The following TAPT1 variants were observed in gnomAD, a reference collection of about 807,000 sequenced individuals.
The protein encoded by TAPT1 is transmembrane anterior posterior transformation protein 1 homolog.
A neutral mutation model predicts 65.6 loss-of-function variants in TAPT1; 28 were observed. That is an observed-to-expected ratio of 0.43 (90% CI 0.32 to 0.59). The LOEUF (loss-of-function observed/expected upper bound fraction) is 0.59, where lower values mean the gene tolerates loss of function less well. Ranked by LOEUF, TAPT1 falls within the 20% of genes least tolerant of loss-of-function variation. The probability of loss-of-function intolerance (pLI) is 0.09; values close to 1 mark genes in which losing one functional copy is unlikely to be tolerated. For missense variants in TAPT1, 563 were observed against 679.9 expected (o/e 0.83, Z 1.91); for synonymous variants, 278 against 245.2 (o/e 1.13, Z -1.25).
intron 3 of TAPT1, among the ~76,000 whole-genome samples, chr4:16,200,002 G>A (rs1414032854): frequency 6.6e-6 from 1 of 152,126 alleles, no homozygotes; most frequent in African/African-American, 2.4e-5. Flanking sequence ...AATATAACAA[G>A]GTGGAACTTC....
chr4:16,185,517 C>T (rs779396267), intron 7 of TAPT1, among the ~76,000 whole-genome samples: 24 of 151,976 alleles, frequency 1.6e-4, no homozygotes, highest in Non-Finnish European at 2.6e-4. Context: ...TACAGGTACC[C>T]GCCACCACAC....
intron 12 of TAPT1, among the ~76,000 whole-genome samples, chr4:16,167,107 C>T (rs557910552): frequency 6.7e-6 from 1 of 148,658 alleles, no homozygotes; most frequent in East Asian, 2.0e-4. Context: ...CAATTCTTGG[C>T]CTCAGCCTCC....
At chr4:16,205,368 A>G (rs1416262142) in intron 2 of TAPT1, among the ~76,000 whole-genome samples, 1 of 152,250 alleles carries the variant, frequency 6.6e-6, no homozygotes, top group East Asian at 1.9e-4. Flanking sequence ...GGTGTTAGAA[A>G]GTAGGAGTAA....
intron 1 of TAPT1, among the ~76,000 whole-genome samples, chr4:16,219,783 T>C (rs1339944865): frequency 6.6e-6 from 1 of 152,196 alleles, no homozygotes; most frequent in Non-Finnish European, 1.5e-5. Flanking sequence ...TCCATTTTCA[T>C]ATTATGAAAA....
Position 16,160,731 on chromosome 4 carries a change from G to A in TAPT1, c.*2577C>T, listed in dbSNP as rs1242081652. 6.6e-6 allele frequency: 1 copy of A among 152,386 alleles called. No individual in the cohort carries two copies. The highest frequency in any genetic ancestry group is 1.5e-5 in the Non-Finnish European group (1 of 68,036). The allele number at this position is 152,386 out of a possible 1,614,324, so 9.4% of individuals were successfully genotyped here. ...GTTGATAAAAAATAGTTGAAAACAT[G>A]TAACAATGTAGAGATATTACATTAT... On this transcript the variant is annotated 3_prime_UTR_variant, in exon 14 of 14. Transcript: ENST00000405303.
rs139725515 is a variant in TAPT1 at position 16,197,321 on chromosome 4, C to T, written c.449+5141G>A. ...AAAAAACAAAAACCAAAAAACACTCCGGCATTTATTACTTAAGCCTGTTCA... is the reference window on the plus strand; with the variant it reads ...AAAAAACAAAAACCAAAAAACACTCTGGCATTTATTACTTAAGCCTGTTCA... On this transcript the variant is annotated intron_variant, in intron 3 of 13. Transcript: ENST00000405303. Among the ~76,000 whole-genome samples the T allele has an allele frequency of 3.5e-3, 533 of 152,250 alleles. 5 individuals carry two copies. The highest frequency in any genetic ancestry group is 0.012 in the African/African-American group (493 of 41,540).
chr4:16,207,546 A>C (rs1210525855), intron 2 of TAPT1, among the ~76,000 whole-genome samples: 1 of 152,176 alleles, frequency 6.6e-6, no homozygotes, highest in African/African-American at 2.4e-5. Context: ...AACTCATTCA[A>C]TGAATCATGC....
chr4:16,196,662 A>AG lies in TAPT1; in HGVS notation c.450-5140dup, dbSNP rs1426108335. 3 of 1,287,022 alleles carry AG rather than the reference A, an allele frequency of 2.3e-6. No homozygotes were observed. The South Asian group carries it at 3.7e-5, about 16-fold the overall frequency. The allele number at this position is 1,287,022 out of a possible 1,614,324, so 79.7% of individuals were successfully genotyped here. A position where few individuals can be genotyped will look rare whatever the true frequency, so the allele number is the denominator to read the frequency against. ...GAAAAATCAGGGTTTACTCACCACA[A>AG]GGAGTCCCTGTGCCACCACATTCCA... On this transcript the variant is annotated intron_variant, in intron 3 of 13. Coordinates refer to ENST00000405303, the MANE Select transcript of TAPT1 (RefSeq NM_153365.3).
At position 16,186,525 on chromosome 4, in the gene TAPT1, T is replaced by C. The variant is rs986235217; in HGVS notation, c.916+10A>G. On this transcript the variant is annotated intron_variant, in intron 7 of 13. Transcript: ENST00000405303. ...GCACAGAACTTCAAGTAGAATCTAA[T>C]TGTACATACCGCTATTTGACATTTG... 3.3e-6 allele frequency: 5 copies of C among 1,504,292 alleles called. No homozygotes were observed. Among genetic ancestry groups the C allele is most frequent in the African/African-American group, 2.8e-5 (2 of 71,908 alleles). 93.2% of individuals were successfully genotyped at this position (1,504,292 alleles called of 1,614,324 possible).
Position 16,179,799 on chromosome 4 carries a change from T to G in TAPT1, c.917-142A>C, listed in dbSNP as rs1748596396. The stretch of plus-strand genomic sequence containing the variant: ...ATAAATATACAACTTTATATATATA[T>G]ATATGTGTGTGTGTGTGTGTGTGTG... On this transcript the variant is annotated intron_variant, in intron 7 of 13. Transcript: ENST00000405303. The G allele has an allele frequency of 7.3e-6, 3 of 410,070 alleles. No individual in the cohort carries two copies. The Admixed American group carries it at 1.4e-4, about 19-fold the overall frequency. 25.4% of individuals were successfully genotyped at this position (410,070 alleles called of 1,614,324 possible). A position where few individuals can be genotyped will look rare whatever the true frequency, so the allele number is the denominator to read the frequency against.
chr4:16,209,663 C>G (rs757428717), intron 2 of TAPT1, among the ~76,000 whole-genome samples: 3 of 152,114 alleles, frequency 2.0e-5, no homozygotes, highest in Non-Finnish European at 4.4e-5. Flanking sequence ...TAGCACATAC[C>G]TCCACCAAAC....
intron 1 of TAPT1, among the ~76,000 whole-genome samples, chr4:16,217,916 G>A (rs1024286615): frequency 1.3e-5 from 2 of 152,134 alleles, no homozygotes; most frequent in Non-Finnish European, 2.9e-5. Context: ...CAAACCCCCT[G>A]AGGGAACAGG....
At chr4:16,224,076 A>C (rs1352170320) in intron 1 of TAPT1, among the ~76,000 whole-genome samples, 1 of 152,212 alleles carries the variant, frequency 6.6e-6, no homozygotes, top group Non-Finnish European at 1.5e-5. Flanking sequence ...TCTCAGAGGC[A>C]CACAAGAATA....
chr4:16,224,464 A>G (rs1372255911), intron 1 of TAPT1, among the ~76,000 whole-genome samples: 1 of 152,216 alleles, frequency 6.6e-6, no homozygotes, highest in Non-Finnish European at 1.5e-5. Context: ...GTGGAGGCTC[A>G]GAGAGAACAC....
At chr4:16,175,284 A>G (rs1748252566) in intron 9 of TAPT1, among the ~76,000 whole-genome samples, 1 of 152,168 alleles carries the variant, frequency 6.6e-6, no homozygotes, top group Non-Finnish European at 1.5e-5. Context: ...AAAGGGAATC[A>G]TTCTGCATTA....
Position 16,188,170 on chromosome 4 carries a change from G to GCAT in TAPT1, c.748+49_748+50insATG, listed in dbSNP as rs1749134867. 4.7e-6 allele frequency: 7 copies of GCAT among 1,501,896 alleles called. No homozygotes were observed. The African/African-American group carries it at 8.5e-5, about 18-fold the overall frequency. The allele number at this position is 1,501,896 out of a possible 1,614,324, so 93.0% of individuals were successfully genotyped here. A position where few individuals can be genotyped will look rare whatever the true frequency, so the allele number is the denominator to read the frequency against. Reference sequence around the variant, plus strand: ...AAAATGGCTAACCAAATAAAATAAGGTAGACTATGCATTAACTGTCGGAAA... The same window carrying GCAT: ...AAAATGGCTAACCAAATAAAATAAGGCATTAGACTATGCATTAACTGTCGGAAA... On this transcript the variant is annotated intron_variant, in intron 5 of 13. Coordinates refer to ENST00000405303, the MANE Select transcript of TAPT1 (RefSeq NM_153365.3).
Position 16,174,254 on chromosome 4 carries a change from C to T in TAPT1, c.1186G>A (p.Asp396Asn). ...RQKNAYTDYSDSVARRMGFIP... is the reference protein window; with the variant it reads ...RQKNAYTDYSNSVARRMGFIP... ...AAGCCCATCCTCCGTGCTACAGAGT[C>T]ACTGTAATCAGTGTATGCCTGAACA... The change falls in exon 11 of 14, where the codon GAC becomes AAC. Residue 396 changes from aspartate to asparagine, a missense_variant. Physicochemically the swap from Asp to Asn is conservative, Grantham distance 23. Transcript: ENST00000405303. The T allele has an allele frequency of 6.2e-7, 1 of 1,607,558 alleles. No individual in the cohort carries two copies. The highest frequency in any genetic ancestry group is 8.5e-7 in the Non-Finnish European group (1 of 1,176,918).
chr4:16,198,887 T>C lies in TAPT1; in HGVS notation c.449+3575A>G, dbSNP rs138703618. 3.3e-5 allele frequency among the ~76,000 whole-genome samples: 5 copies of C among 152,352 alleles called. No homozygotes were observed. In the East Asian group the frequency reaches 9.6e-4, roughly 29 times the overall value. ...ACAATAGCTTTGTTTATGTAACTTT[T>C]ACCTTATCAAATATTTCAAGTTTCG... On this transcript the variant is annotated intron_variant, in intron 3 of 13. Transcript: ENST00000405303.
intron 1 of TAPT1, among the ~76,000 whole-genome samples, chr4:16,220,224 T>C (rs544575293): frequency 6.6e-6 from 1 of 152,350 alleles, no homozygotes; most frequent in East Asian, 1.9e-4. Context: ...AAGCCACTGT[T>C]CTTTACCTAT....
Sources: gnomAD v4.1 joint callset for allele counts (sites outside exome capture counted in the v4.1 genomes callset) on GRCh38, gnomAD v4.1.1 for gene constraint, MANE v1.5 for transcripts, NCBI Gene and HGNC (gene_info 2026-07-23, HGNC 2026-07-21) for gene names.